NAV2: variants seen among roughly 807,000 people sequenced by gnomAD.
NAV2 encodes the protein helicase, APC down-regulated 1.
Under a neutral mutation model 223.2 loss-of-function variants are expected in NAV2, and 54 were observed. The ratio of observed to expected loss-of-function variants is 0.24; its 90% CI spans 0.19 to 0.30. The LOEUF (loss-of-function observed/expected upper bound fraction) is 0.30, where lower values mean the gene tolerates loss of function less well. NAV2 is among the 10% of genes least tolerant of loss of function. The pLI is 1.00. For missense variants in NAV2, 2,806 were observed against 3,147.5 expected (o/e 0.89, Z 2.60); for synonymous variants, 1,279 against 1,239.3 (o/e 1.03, Z -0.67).
At chr11:19,464,317 A>G (rs1192090430) in intron 1 of NAV2, among the ~76,000 whole-genome samples, 1 of 151,564 alleles carries the variant, frequency 6.6e-6, no homozygotes, top group East Asian at 1.9e-4. Flanking sequence ...CTAAGGCCAC[A>G]CTCTTGGGGG....
chr11:20,023,047 T>C (rs976169194), intron 11 of NAV2: 3 of 1,550,318 alleles, frequency 1.9e-6, no homozygotes, highest in Non-Finnish European at 2.6e-6. Context: ...GGACTTGCCA[T>C]CCTGTGAGAT....
chr11:19,720,392 C>A (rs1464981981), intron 1 of NAV2, among the ~76,000 whole-genome samples: 2 of 152,196 alleles, frequency 1.3e-5, no homozygotes, highest in African/African-American at 4.8e-5. Context: ...TGGCTTAGTG[C>A]CCCCTTTCCC....
At chr11:19,937,031 C>T (rs1037027175) in intron 7 of NAV2, among the ~76,000 whole-genome samples, 9 of 151,920 alleles carry the variant, frequency 5.9e-5, no homozygotes, top group East Asian at 1.9e-4. Flanking sequence ...CCAACTACTC[C>T]GGAGGCTGAG....
At position 20,083,174 on chromosome 11, in the gene NAV2, C is replaced by T; in HGVS notation, c.5493C>T (p.Asn1831=). 1 of 1,612,488 alleles carries T rather than the reference C, an allele frequency of 6.2e-7. No individual in the cohort carries two copies. The highest frequency in any genetic ancestry group is 8.5e-7 in the Non-Finnish European group (1 of 1,179,158). The stretch of plus-strand genomic sequence containing the variant: ...CACTGCTGAGGAATTCTCACTCCAA[C>T]TCTCTGTAAGTCTGTCTGTCTAGTC... ...STPLLRNSHS[N]SLISECMDSE... The change falls in exon 26 of 38, where the codon AAC becomes AAT. Residue 1831 remains asparagine (N), a synonymous_variant. Transcript: ENST00000349880.
chr11:19,537,470 C>A (rs1317652840), intron 1 of NAV2, among the ~76,000 whole-genome samples: 2 of 152,232 alleles, frequency 1.3e-5, no homozygotes, highest in African/African-American at 4.8e-5. Flanking sequence ...AGCCTGGATT[C>A]AAACCCAAGT....
rs190880739 is a variant in NAV2 at position 19,855,883 on chromosome 11, C to T, written c.438+12960C>T. 5.3e-5 allele frequency among the ~76,000 whole-genome samples: 8 copies of T among 152,180 alleles called. No individual in the cohort carries two copies. The East Asian group carries it at 5.8e-4, about 11-fold the overall frequency. On this transcript the variant is annotated intron_variant, in intron 3 of 37. Coordinates refer to ENST00000349880, the MANE Select transcript of NAV2 (RefSeq NM_145117.5). ...TGAGACTCCTTTAAGAAGGATTTGC[C>T]GGGATTTGATTTGAGTTTCAGAATT...
rs367898300 is a variant in NAV2 at position 19,753,916 on chromosome 11, TG to T, written c.267+39958del. On this transcript the variant is annotated intron_variant, in intron 1 of 37. Transcript: ENST00000349880. ...TGTATTTATTTGCTCAGAGGGAGGG[TG>T]GGGAGAAAGCTTGGTGGGTGGAGGT... 2.8e-4 allele frequency among the ~76,000 whole-genome samples: 43 copies of T among 152,172 alleles called. 1 individual carries two copies. In the East Asian group the frequency reaches 6.2e-3, roughly 22 times the overall value.
chr11:19,407,354 G>A (rs1424855002), intron 1 of NAV2, among the ~76,000 whole-genome samples: 1 of 152,140 alleles, frequency 6.6e-6, no homozygotes, highest in Non-Finnish European at 1.5e-5. Context: ...CAACTTAATG[G>A]TGGTCAGAAA....
In NAV2 at chr11:19,584,931, C is replaced by A. The variant is rs2045844567; in HGVS notation, c.75+233904C>A. On this transcript the variant is annotated intron_variant, in intron 1 of 37. Transcript: ENST00000360655. ...AGAGCTGAGTTCAATTCCTGGATAT[C>A]CTTTTTAACTTTCTGTCTCATCGAT... 4.6e-5 allele frequency among the ~76,000 whole-genome samples: 7 copies of A among 152,266 alleles called. No individual in the cohort carries two copies. The South Asian group carries it at 1.5e-3, about 32-fold the overall frequency.
At chr11:19,609,836 A>G (rs548322686) in intron 1 of NAV2, among the ~76,000 whole-genome samples, 1 of 152,384 alleles carries the variant, frequency 6.6e-6, no homozygotes, top group South Asian at 2.1e-4. Flanking sequence ...CAGTGGGTCC[A>G]TATTGGCTCT....
At chr11:19,501,842 G>A (rs988724829) in intron 1 of NAV2, among the ~76,000 whole-genome samples, 12 of 152,050 alleles carry the variant, frequency 7.9e-5, no homozygotes, top group African/African-American at 2.9e-4. Context: ...GCAATATTGC[G>A]CTCTGGGAAA....
chr11:19,483,517 C>A (rs1426311007), intron 1 of NAV2, among the ~76,000 whole-genome samples: 1 of 152,050 alleles, frequency 6.6e-6, no homozygotes, highest in Non-Finnish European at 1.5e-5. Context: ...GCTGTGCTAC[C>A]TTTAAGTGAA....
chr11:19,445,443 T>A (rs1350018931), intron 1 of NAV2, among the ~76,000 whole-genome samples: 4 of 152,212 alleles, frequency 2.6e-5, no homozygotes, highest in African/African-American at 9.7e-5. Context: ...TTAACTTGTT[T>A]AATCCTCATC....
At chr11:20,113,920 G>A (rs568573277) in intron 36 of NAV2, among the ~76,000 whole-genome samples, 1 of 152,290 alleles carries the variant, frequency 6.6e-6, no homozygotes, top group African/African-American at 2.4e-5. Flanking sequence ...GCTGAGGCAG[G>A]AGCATCACTT....
In NAV2 at chr11:20,106,175, A is replaced by ATATGTGTGTG. The variant is rs11267537; in HGVS notation, c.6841+449_6841+450insATGTGTGTGT. Among the ~76,000 whole-genome samples, 14 of 35,826 alleles carry ATATGTGTGTG rather than the reference A, an allele frequency of 3.9e-4. 3 individuals carry two copies. Among genetic ancestry groups the ATATGTGTGTG allele is most frequent in the South Asian group, 1.2e-3 (1 of 816 alleles). The allele number at this position is 35,826 out of a possible 152,430, so 23.5% of individuals were successfully genotyped here. A position where few individuals can be genotyped will look rare whatever the true frequency, so the allele number is the denominator to read the frequency against. ...TGTGTGTATATATATATATATATAT[A>ATATGTGTGTG]TGTGTGTGTATATATATATATATAT... On this transcript the variant is annotated intron_variant, in intron 35 of 37. Coordinates refer to ENST00000349880, the MANE Select transcript of NAV2 (RefSeq NM_145117.5).
intron 1 of NAV2, among the ~76,000 whole-genome samples, chr11:19,669,675 G>A (rs2048523582): frequency 6.6e-6 from 1 of 152,232 alleles, no homozygotes; most frequent in South Asian, 2.1e-4. Flanking sequence ...GAGCCTTTGA[G>A]CCAGAAGCAC....
intron 1 of NAV2, among the ~76,000 whole-genome samples, chr11:19,542,557 T>C (rs1413220816): frequency 6.6e-6 from 1 of 152,216 alleles, no homozygotes; most frequent in Non-Finnish European, 1.5e-5. Context: ...AGGGGTTCCA[T>C]ATATACTGTC....
At chr11:19,648,635 G>A (rs568950484) in intron 1 of NAV2, among the ~76,000 whole-genome samples, 3 of 152,278 alleles carry the variant, frequency 2.0e-5, no homozygotes, top group East Asian at 1.9e-4. Flanking sequence ...AGTGAAAACA[G>A]CCCTGGAGAG....
At chr11:20,021,436 G>T (rs943677709) in intron 11 of NAV2, among the ~76,000 whole-genome samples, 1 of 152,168 alleles carries the variant, frequency 6.6e-6, no homozygotes, top group Non-Finnish European at 1.5e-5. Context: ...TTTTTAGAGC[G>T]TGTGTGTGCA....
Sources: gnomAD v4.1 joint callset for allele counts (sites outside exome capture counted in the v4.1 genomes callset) on GRCh38, gnomAD v4.1.1 for gene constraint, MANE v1.5 for transcripts, NCBI Gene and HGNC (gene_info 2026-07-23, HGNC 2026-07-21) for gene names.